Variants in LDAH observed in about 807,000 individuals in gnomAD.
LDAH encodes lipid droplet-associated hydrolase.
Under a neutral mutation model 29.6 loss-of-function variants are expected in LDAH, and 26 were observed. The observed-to-expected ratio is 0.88, with a 90% confidence interval of 0.64 to 1.22. LDAH has a LOEUF of 1.22. LDAH is among the 50% of genes most tolerant of loss of function. LDAH has a pLI of 0.00. For synonymous variants in LDAH, 117 were observed against 133.0 expected (o/e 0.88, Z 0.83); for missense variants, 344 against 387.3 (o/e 0.89, Z 0.94).
chr2:20,794,705 C>T (rs1323331580), intron 2 of LDAH, among the ~76,000 whole-genome samples: 2 of 152,166 alleles, frequency 1.3e-5, no homozygotes, highest in Admixed American at 6.5e-5. Context: ...ATATACTTAA[C>T]ATTGTAGCAT....
intron 1 of LDAH, among the ~76,000 whole-genome samples, chr2:20,805,110 A>T (rs1671969708): frequency 6.6e-6 from 1 of 152,220 alleles, no homozygotes. Flanking sequence ...AAAGTTGTTA[A>T]ATATATTCAA....
chr2:20,728,975 T>C (rs1666211102), intron 5 of LDAH, among the ~76,000 whole-genome samples: 1 of 152,240 alleles, frequency 6.6e-6, no homozygotes, highest in African/African-American at 2.4e-5. Flanking sequence ...AGAACAGAGA[T>C]GAAGACATGT....
Position 20,686,904 on chromosome 2 carries a change from T to A in LDAH, c.977A>T (p.Ter326LeuextTer23), listed in dbSNP as rs759748058. The change falls in exon 7 of 7, where the codon TAA becomes TTA. Residue 326 changes from the stop codon to leucine (L), a stop_lost. Transcript: ENST00000237822. Reference protein sequence around the residue: ...DSLKDDLSKM* With the variant: ...DSLKDDLSKML ...TGGGGGCTTGTTCCTCAGGCCAATT[T>A]ACATTTTGGACAAGTCATCCTTTAG... The A allele has an allele frequency of 1.2e-6, 2 of 1,612,574 alleles. No homozygotes were observed. Among genetic ancestry groups the A allele is most frequent in the Non-Finnish European group, 1.7e-6 (2 of 1,178,974 alleles).
chr2:20,790,711 G>C (rs1410303637), intron 2 of LDAH, among the ~76,000 whole-genome samples: 2 of 152,180 alleles, frequency 1.3e-5, no homozygotes. Context: ...AGCCAAAATA[G>C]TGTAAGAAGC....
chr2:20,818,446 T>C (rs1428497525), intron 1 of LDAH, among the ~76,000 whole-genome samples: 1 of 152,138 alleles, frequency 6.6e-6, no homozygotes, highest in African/African-American at 2.4e-5. Context: ...CAGAATTCTT[T>C]TTACGCTTCT....
At chr2:20,786,510 C>A (rs768524353) in intron 3 of LDAH, among the ~76,000 whole-genome samples, 8 of 152,076 alleles carry the variant, frequency 5.3e-5, no homozygotes, top group Non-Finnish European at 1.2e-4. Context: ...TTAATGTTTT[C>A]TGTAGCTATA....
At chr2:20,751,960 C>T (rs116760763) in intron 4 of LDAH, among the ~76,000 whole-genome samples, 4,245 of 152,158 alleles carry the variant, frequency 0.028, 185 homozygotes, top group African/African-American at 0.096. Flanking sequence ...GCAATGATAA[C>T]AGCTCACAGC....
intron 3 of LDAH, among the ~76,000 whole-genome samples, chr2:20,784,688 A>G (rs1407184664): frequency 6.6e-6 from 1 of 151,974 alleles, no homozygotes; most frequent in Non-Finnish European, 1.5e-5. Flanking sequence ...GAGTTCCAAG[A>G]CCAGCCTGGG....
At chr2:20,822,307 A>G (rs1376675185) in intron 1 of LDAH, among the ~76,000 whole-genome samples, 1 of 151,598 alleles carries the variant, frequency 6.6e-6, no homozygotes, top group Non-Finnish European at 1.5e-5. Context: ...TTATTTATGT[A>G]TTTATTTTTG....
chr2:20,688,385 G>A (rs6721038), intron 6 of LDAH, among the ~76,000 whole-genome samples: 21,041 of 152,152 alleles, frequency 0.14, 1,577 homozygotes, highest in African/African-American at 0.2. Flanking sequence ...GAGGCAGAGA[G>A]GGATGAGGTC....
chr2:20,694,061 T>A (rs888131834), intron 6 of LDAH, among the ~76,000 whole-genome samples: 1 of 152,240 alleles, frequency 6.6e-6, no homozygotes, highest in African/African-American at 2.4e-5. Flanking sequence ...GTTTCATTGT[T>A]TGTGAAAAAA....
chr2:20,708,374 A>G (rs1422240132), intron 5 of LDAH, among the ~76,000 whole-genome samples: 4 of 152,228 alleles, frequency 2.6e-5, no homozygotes, highest in African/African-American at 7.2e-5. Context: ...GAAAGTATCA[A>G]ACCGTCTCCA....
At chr2:20,750,179 T>C (rs603001) in intron 4 of LDAH, among the ~76,000 whole-genome samples, 88,835 of 151,962 alleles carry the variant, frequency 0.58, 27,455 homozygotes, top group South Asian at 0.8. Context: ...GCACATGCCA[T>C]CACACCCAGC....
At chr2:20,779,533 GT>G (rs1036904309) in intron 3 of LDAH, among the ~76,000 whole-genome samples, 17 of 151,272 alleles carry the variant, frequency 1.1e-4, no homozygotes, top group Admixed American at 9.9e-4. Context: ...AAAATAATAT[GT>G]TGTTCACCAT....
chr2:20,791,521 T>C lies in LDAH; in HGVS notation c.155-1123A>G, dbSNP rs543233869. 8.9e-4 allele frequency among the ~76,000 whole-genome samples: 135 copies of C among 152,362 alleles called. 1 individual carries two copies. The highest frequency in any genetic ancestry group is 4.4e-5 in the Non-Finnish European group (3 of 68,026). ...TCCATATTATTTTGCTTCTGTTGCA[T>C]TCTGACCTAGTGACCCAAGTTCCAA... is the stretch of plus-strand genomic sequence containing the variant. On this transcript the variant is annotated intron_variant, in intron 2 of 6. Transcript: ENST00000237822.
At chr2:20,821,724 C>A (rs927660414) in intron 1 of LDAH, among the ~76,000 whole-genome samples, 1 of 151,996 alleles carries the variant, frequency 6.6e-6, no homozygotes, top group Non-Finnish European at 1.5e-5. Flanking sequence ...ATGTAACAAA[C>A]CTGCACGTTG....
intron 4 of LDAH, among the ~76,000 whole-genome samples, chr2:20,755,813 C>G (rs1267644719): frequency 6.6e-6 from 1 of 152,186 alleles, no homozygotes; most frequent in Admixed American, 6.5e-5. Flanking sequence ...ATGCAAACTC[C>G]AGCTCCTTGA....
At chr2:20,768,350 T>A (rs112749662) in intron 4 of LDAH, among the ~76,000 whole-genome samples, 98 of 152,294 alleles carry the variant, frequency 6.4e-4, no homozygotes, top group African/African-American at 2.2e-3. Flanking sequence ...GTCTCTAAGC[T>A]TCTGGGTGCC....
Position 20,686,732 on chromosome 2 carries a change from C to CTG in LDAH, c.*169_*170dup, listed in dbSNP as rs1662584528. On this transcript the variant is annotated 3_prime_UTR_variant, in exon 7 of 7. Transcript: ENST00000237822. Reference sequence around the variant, plus strand: ...TTAAACCTATGGAATGATTCATCAACTGTGTTTACTTCAGCCTATAACATG... The same window carrying CTG: ...TTAAACCTATGGAATGATTCATCAACTGTGTGTTTACTTCAGCCTATAACATG... 1.8e-6 allele frequency: 1 copy of CTG among 556,858 alleles called. No individual in the cohort carries two copies. Among genetic ancestry groups the CTG allele is most frequent in the African/African-American group, 1.9e-5 (1 of 52,334 alleles). 34.5% of individuals were successfully genotyped at this position (556,858 alleles called of 1,614,324 possible).
Sources: allele counts gnomAD v4.1 joint callset (sites outside exome capture counted in the v4.1 genomes callset), GRCh38; gene constraint gnomAD v4.1.1; transcripts MANE v1.5; gene names NCBI Gene and HGNC (gene_info 2026-07-23, HGNC 2026-07-21).